WDR70: variants seen among roughly 807,000 people sequenced by gnomAD.
The protein encoded by WDR70 is WD repeat-containing protein 70.
WDR70 carries 53 observed loss-of-function variants against 88.6 expected under a neutral mutation model. The ratio of observed to expected loss-of-function variants is 0.60; its 90% CI spans 0.48 to 0.75. The LOEUF is 0.75. Ranked by LOEUF, WDR70 falls within the 30% of genes least tolerant of loss-of-function variation. The probability of loss-of-function intolerance (pLI) is 0.00; values close to 1 mark genes in which losing one functional copy is unlikely to be tolerated. For missense variants in WDR70, 610 were observed against 823.2 expected, an observed-to-expected ratio of 0.74 and a Z score of 3.17; for synonymous variants, 280 against 270.0, an observed-to-expected ratio of 1.04 and a Z score of -0.36.
intron 17 of WDR70, among the ~76,000 whole-genome samples, chr5:37,751,572 A>G (rs560209487): frequency 1.3e-5 from 2 of 152,362 alleles, no homozygotes; most frequent in South Asian, 4.1e-4. Flanking sequence ...TGCCAAATAA[A>G]AGGAATTATA....
intron 7 of WDR70, among the ~76,000 whole-genome samples, chr5:37,459,628 G>A (rs1259649801): frequency 3.3e-5 from 1 of 30,054 alleles, no homozygotes; most frequent in East Asian, 1.1e-3. Context: ...CATAGGCGTG[G>A]GCAAGGACTT....
At chr5:37,449,910 C>G (rs796898462) in intron 7 of WDR70, among the ~76,000 whole-genome samples, 2 of 152,236 alleles carry the variant, frequency 1.3e-5, no homozygotes, top group African/African-American at 4.8e-5. Context: ...CCCGCACCCC[C>G]TGACAGGCCC....
intron 5 of WDR70, among the ~76,000 whole-genome samples, chr5:37,409,031 T>A (rs1749441818): frequency 6.6e-6 from 1 of 152,054 alleles, no homozygotes; most frequent in African/African-American, 2.4e-5. Context: ...CTCCGCCTCC[T>A]GGGTTCAAGT....
chr5:37,718,997 A>G (rs1313313610), intron 13 of WDR70, among the ~76,000 whole-genome samples: 1 of 152,334 alleles, frequency 6.6e-6, no homozygotes, highest in East Asian at 1.9e-4. Flanking sequence ...ACAGTTTTAA[A>G]TTGGGTGGTT....
intron 10 of WDR70, among the ~76,000 whole-genome samples, chr5:37,624,339 A>G (rs1744606159): frequency 6.6e-6 from 1 of 152,004 alleles, no homozygotes; most frequent in Non-Finnish European, 1.5e-5. Flanking sequence ...CTTACCTTCC[A>G]CTTCAATCCA....
chr5:37,500,519 T>C (rs1036652691), intron 8 of WDR70, among the ~76,000 whole-genome samples: 31 of 152,272 alleles, frequency 2.0e-4, no homozygotes, highest in African/African-American at 7.2e-4. Flanking sequence ...TTGTTTTCCA[T>C]AGAGGTTGTA....
intron 10 of WDR70, among the ~76,000 whole-genome samples, chr5:37,615,744 C>A (rs1744320950): frequency 6.6e-6 from 1 of 152,186 alleles, no homozygotes; most frequent in Non-Finnish European, 1.5e-5. Flanking sequence ...AGAACTCATT[C>A]TTCCTTTTGA....
At chr5:37,666,106 G>T (rs527618815) in intron 10 of WDR70, among the ~76,000 whole-genome samples, 1 of 152,330 alleles carries the variant, frequency 6.6e-6, no homozygotes, top group Non-Finnish European at 1.5e-5. Flanking sequence ...ACTTCAAAGG[G>T]GGGCACCGCC....
At chr5:37,402,812 T>A (rs1749237175) in intron 5 of WDR70, among the ~76,000 whole-genome samples, 1 of 152,204 alleles carries the variant, frequency 6.6e-6, no homozygotes, top group East Asian at 1.9e-4. Context: ...CCCCCGAACC[T>A]TCCCAGCCTC....
intron 5 of WDR70, among the ~76,000 whole-genome samples, chr5:37,433,987 G>T (rs1393685913): frequency 2.6e-5 from 4 of 152,174 alleles, no homozygotes; most frequent in African/African-American, 9.7e-5. Flanking sequence ...GTAAATGAAG[G>T]TATTAGTTCA....
chr5:37,600,221 A>C (rs780237543), intron 9 of WDR70, among the ~76,000 whole-genome samples: 1 of 152,176 alleles, frequency 6.6e-6, no homozygotes, highest in Non-Finnish European at 1.5e-5. Context: ...TGACATCCAG[A>C]ATATTTAAAG....
chr5:37,430,231 T>C (rs748417959), intron 5 of WDR70, among the ~76,000 whole-genome samples: 50 of 152,182 alleles, frequency 3.3e-4, no homozygotes, highest in Non-Finnish European at 2.5e-4. Flanking sequence ...AATATCTTTA[T>C]TGGGATGTAA....
chr5:37,611,549 T>A (rs922054527), intron 10 of WDR70, among the ~76,000 whole-genome samples: 9 of 152,080 alleles, frequency 5.9e-5, no homozygotes, highest in African/African-American at 2.2e-4. Context: ...TGGAGATTTT[T>A]TTAAAAAAAT....
At chr5:37,716,328 C>T (rs1030563071) in intron 13 of WDR70, among the ~76,000 whole-genome samples, 3 of 152,118 alleles carry the variant, frequency 2.0e-5, no homozygotes, top group African/African-American at 7.2e-5. Flanking sequence ...GCATTGATTT[C>T]TTTTATAGTA....
rs200761215 is a variant in WDR70, at chr5:37,669,400, T to A, written c.1093-28255T>A. Among the ~76,000 whole-genome samples, 1,475 of 149,120 alleles carry A rather than the reference T, an allele frequency of 9.9e-3. 6 individuals are homozygous for A. Among genetic ancestry groups the A allele is most frequent in the South Asian group, 0.013 (62 of 4,716 alleles). ...ACCTGGAACATAATTATCTTTTTTT[T>A]AAAAAAAAAAAAACATTTTGTTTTC... On this transcript the variant is annotated intron_variant, in intron 10 of 17. Coordinates refer to ENST00000265107, the MANE Select transcript of WDR70 (RefSeq NM_018034.4).
At chr5:37,626,901 G>C (rs1173900004) in intron 10 of WDR70, among the ~76,000 whole-genome samples, 2 of 151,848 alleles carry the variant, frequency 1.3e-5, no homozygotes, top group African/African-American at 4.8e-5. Context: ...CAAATTTATT[G>C]GCATATTGTT....
intron 8 of WDR70, among the ~76,000 whole-genome samples, chr5:37,499,694 T>C (rs555104143): frequency 6.6e-6 from 1 of 150,858 alleles, no homozygotes; most frequent in East Asian, 2.0e-4. Context: ...GCTGGGATTA[T>C]AGGTGCACAC....
chr5:37,666,966 C>G (rs61372354), intron 10 of WDR70, among the ~76,000 whole-genome samples: 1,563 of 151,858 alleles, frequency 0.01, 19 homozygotes, highest in African/African-American at 0.036. Flanking sequence ...AGGACAATAT[C>G]TAGCCCATAG....
chr5:37,656,247 G>T (rs901078246), intron 10 of WDR70, among the ~76,000 whole-genome samples: 2 of 152,204 alleles, frequency 1.3e-5, no homozygotes, highest in Non-Finnish European at 2.9e-5. Flanking sequence ...TCCAGACCCT[G>T]TTTGCCTGGG....
Sources: gnomAD v4.1 joint callset for allele counts (sites outside exome capture counted in the v4.1 genomes callset) on GRCh38, gnomAD v4.1.1 for gene constraint, MANE v1.5 for transcripts, NCBI Gene and HGNC (gene_info 2026-07-23, HGNC 2026-07-21) for gene names.